KALRN: variants seen among roughly 807,000 people sequenced by gnomAD.
The protein encoded by KALRN is kalirin RhoGEF kinase, also known as kalirin.
A neutral mutation model predicts 353.7 loss-of-function variants in KALRN; 70 were observed. The ratio of observed to expected loss-of-function variants is 0.20; its 90% CI spans 0.16 to 0.24. The LOEUF is 0.24. Among genes scored for constraint, KALRN ranks in the 10% least tolerant of loss-of-function variants. The pLI is 1.00. For synonymous variants in KALRN, 1,391 were observed against 1,434.8 expected (o/e 0.97, Z 0.69); for missense variants, 2,791 against 3,756.7 (o/e 0.74, Z 6.72).
intron 51 of KALRN, among the ~76,000 whole-genome samples, chr3:124,683,550 C>A (rs374267948): frequency 6.6e-6 from 1 of 152,232 alleles, no homozygotes; most frequent in Non-Finnish European, 1.5e-5. Flanking sequence ...AGTTTTTACA[C>A]CAAGCTCAAG....
intron 10 of KALRN, among the ~76,000 whole-genome samples, chr3:124,367,646 GC>G (rs1560699151): frequency 7.1e-5 from 1 of 14,012 alleles, no homozygotes; most frequent in East Asian, 0.014. Flanking sequence ...GGGGCTGACC[GC>G]CCCCACCTCC....
At chr3:124,355,348 T>A in intron 10 of KALRN, among the ~76,000 whole-genome samples, 1 of 152,202 alleles carries the variant, frequency 6.6e-6, no homozygotes, top group East Asian at 1.9e-4. Flanking sequence ...TGCGCCTAAT[T>A]CTGGAAAATA....
chr3:124,369,423 A>C (rs2085511927), intron 10 of KALRN, among the ~76,000 whole-genome samples: 1 of 152,212 alleles, frequency 6.6e-6, no homozygotes, highest in African/African-American at 2.4e-5. Context: ...CAAGGTAATC[A>C]GTTATCTTGC....
At chr3:124,292,570 A>C (rs1326289594) in intron 5 of KALRN, among the ~76,000 whole-genome samples, 2 of 151,860 alleles carry the variant, frequency 1.3e-5, no homozygotes, top group Non-Finnish European at 2.9e-5. Context: ...TGGGTCTCTG[A>C]GTGCGTGAAG....
rs1978892 is a variant in KALRN, at chr3:124,597,178, G to T, written c.5182+34089G>T. Among the ~76,000 whole-genome samples the T allele has an allele frequency of 0.037, 5,637 of 152,220 alleles. 663 individuals carry two copies. In the East Asian group the frequency reaches 0.43, roughly 12 times the overall value. On this transcript the variant is annotated intron_variant, in intron 34 of 59. Coordinates refer to ENST00000682506, the MANE Select transcript of KALRN (RefSeq NM_001388419.1). Reference sequence around the variant, plus strand: ...ATTCCTTAATCAAACAGGAAATTAGGCTGAGCACTTTTTGTGTTGATTCCC... The same window carrying T: ...ATTCCTTAATCAAACAGGAAATTAGTCTGAGCACTTTTTGTGTTGATTCCC...
chr3:124,094,144 G>C (rs1251355744), intron 1 of KALRN: 2 of 153,002 alleles, frequency 1.3e-5, no homozygotes, highest in African/African-American at 4.8e-5. Context: ...ACTTGATCCA[G>C]GCCAGGCAAG....
rs35656778 is a variant in KALRN, at chr3:124,706,575, C to CT, written c.8075+4471dup. 9.5e-3 allele frequency among the ~76,000 whole-genome samples: 1,393 copies of CT among 146,326 alleles called. 10 individuals carry two copies. The highest frequency in any genetic ancestry group is 0.031 in the Middle Eastern group (9 of 286). On this transcript the variant is annotated intron_variant, in intron 57 of 59. Coordinates refer to ENST00000682506, the MANE Select transcript of KALRN (RefSeq NM_001388419.1). ...GCTTCTAAACATCTTTTTTCTTTTT[C>CT]TTTTTTTTTTTTGAGACAGAGTCTC... is the stretch of plus-strand genomic sequence containing the variant.
chr3:124,233,264 A>AG (rs1479800668), intron 2 of KALRN, among the ~76,000 whole-genome samples: 1 of 152,204 alleles, frequency 6.6e-6, no homozygotes, highest in Non-Finnish European at 1.5e-5. Flanking sequence ...TCAAGGATAG[A>AG]GGGGAAGGTT....
At chr3:124,713,897 A>G (rs1168828413) in intron 58 of KALRN, among the ~76,000 whole-genome samples, 3 of 152,214 alleles carry the variant, frequency 2.0e-5, no homozygotes, top group Non-Finnish European at 2.9e-5. Context: ...CCTTTTCAGT[A>G]GAGAAGTGCC....
rs147077521 is a variant in KALRN, at chr3:124,625,924, T to C, written c.5183-6496T>C. The stretch of plus-strand genomic sequence containing the variant: ...GGTGAAACACCATCTCTACTAAAAA[T>C]ACAAAAATTAGCAGGGTGTGGTGGT... On this transcript the variant is annotated intron_variant, in intron 34 of 59. Coordinates refer to ENST00000682506, the MANE Select transcript of KALRN (RefSeq NM_001388419.1). 5.9e-5 allele frequency among the ~76,000 whole-genome samples: 9 copies of C among 152,050 alleles called. No individual in the cohort carries two copies. In the East Asian group the frequency reaches 1.5e-3, roughly 26 times the overall value.
Position 124,274,890 on chromosome 3 carries a change from G to A in KALRN, c.969+5635G>A, listed in dbSNP as rs189071830. 2.2e-3 allele frequency among the ~76,000 whole-genome samples: 328 copies of A among 152,232 alleles called. 3 individuals are homozygous for A. The highest frequency in any genetic ancestry group is 6.8e-3 in the Middle Eastern group (2 of 294). ...CTTCCTGCATATTCATTTTTGCACG[G>A]TGAAATTCTATTCACATCCATGGGT... On this transcript the variant is annotated intron_variant, in intron 5 of 59. Transcript: ENST00000682506.
At chr3:124,339,548 TG>T (rs2081472594) in intron 9 of KALRN, among the ~76,000 whole-genome samples, 1 of 152,184 alleles carries the variant, frequency 6.6e-6, no homozygotes, top group African/African-American at 2.4e-5. Context: ...GATGGGGAGC[TG>T]GGTGGTACAG....
intron 1 of KALRN, among the ~76,000 whole-genome samples, chr3:124,119,362 A>G (rs2063756527): frequency 6.6e-6 from 1 of 152,256 alleles, no homozygotes; most frequent in Non-Finnish European, 1.5e-5. Context: ...AATGGACAGA[A>G]GTTTTCAGAC....
At chr3:124,082,768 T>C (rs2060611499) in intron 1 of KALRN, among the ~76,000 whole-genome samples, 1 of 152,226 alleles carries the variant, frequency 6.6e-6, no homozygotes, top group South Asian at 2.1e-4. Context: ...CCAGTGTTTC[T>C]CTTGAAAGAG....
intron 34 of KALRN, among the ~76,000 whole-genome samples, chr3:124,590,491 A>G (rs2651620): frequency 0.4 from 60,856 of 151,978 alleles, 13,581 homozygotes; most frequent in African/African-American, 0.61. Context: ...TTGAATGTTG[A>G]GGACTTTACT....
intron 1 of KALRN, among the ~76,000 whole-genome samples, chr3:124,219,273 G>T (rs1464315720): frequency 6.6e-6 from 1 of 152,240 alleles, no homozygotes; most frequent in Non-Finnish European, 1.5e-5. Context: ...GCAGAACAGG[G>T]AGGTACATGC....
At chr3:124,656,480 G>C (rs2150163496) in intron 39 of KALRN, among the ~76,000 whole-genome samples, 1 of 152,242 alleles carries the variant, frequency 6.6e-6, no homozygotes, top group African/African-American at 2.4e-5. Context: ...GCGTGGTGGT[G>C]GGCGCCTGTA....
intron 42 of KALRN, among the ~76,000 whole-genome samples, chr3:124,658,763 A>C (rs2084426540): frequency 6.6e-6 from 1 of 152,184 alleles, no homozygotes; most frequent in Admixed American, 6.5e-5. Flanking sequence ...CCCCATTTGC[A>C]GAATAAGCCT....
intron 27 of KALRN, among the ~76,000 whole-genome samples, chr3:124,481,661 C>T (rs756120255): frequency 3.9e-5 from 6 of 152,170 alleles, no homozygotes; most frequent in Non-Finnish European, 7.4e-5. Context: ...TCCTCTGTAC[C>T]ATTCAGTCAT....
Sources: gnomAD v4.1 joint callset for allele counts (sites outside exome capture counted in the v4.1 genomes callset) on GRCh38, gnomAD v4.1.1 for gene constraint, MANE v1.5 for transcripts, NCBI Gene and HGNC (gene_info 2026-07-23, HGNC 2026-07-21) for gene names.